SOX5: variants seen among roughly 807,000 people sequenced by gnomAD.
The protein encoded by SOX5 is SRY-box transcription factor 5, also known as transcription factor SOX-5.
SOX5 carries 9 observed loss-of-function variants against 92.0 expected under a neutral mutation model. The observed-to-expected ratio is 0.10, with a 90% confidence interval of 0.06 to 0.17. The LOEUF is 0.17. Among genes scored for constraint, SOX5 ranks in the 10% least tolerant of loss-of-function variants. SOX5 has a pLI of 1.00. For missense variants in SOX5, 642 were observed against 944.5 expected, an observed-to-expected ratio of 0.68 and a Z score of 4.20; for synonymous variants, 344 against 336.3, an observed-to-expected ratio of 1.02 and a Z score of -0.25.
chr12:24,196,569 C>A (rs76377032), intron 4 of SOX5, among the ~76,000 whole-genome samples: 1 of 152,136 alleles, frequency 6.6e-6, no homozygotes, highest in African/African-American at 2.4e-5. Context: ...CAGTCTTTAA[C>A]CAATCCATCT....
At chr12:24,212,815 G>A (rs999623596) in intron 4 of SOX5, among the ~76,000 whole-genome samples, 6 of 152,098 alleles carry the variant, frequency 3.9e-5, no homozygotes, top group Admixed American at 6.5e-5. Context: ...TTTCATACAT[G>A]GTAGTCAATA....
At chr12:23,747,146 G>A (rs997796851) in intron 4 of SOX5, among the ~76,000 whole-genome samples, 11 of 151,952 alleles carry the variant, frequency 7.2e-5, no homozygotes, top group African/African-American at 2.4e-4. Context: ...AAATCCAGGT[G>A]TTCATTTTTT....
At chr12:23,708,568 C>T (rs2091705344) in intron 6 of SOX5, among the ~76,000 whole-genome samples, 1 of 152,062 alleles carries the variant, frequency 6.6e-6, no homozygotes, top group African/African-American at 2.4e-5. Flanking sequence ...TCTTTCAGAA[C>T]ATTGATCTGA....
chr12:24,351,199 A>G (rs1210120547), intron 2 of SOX5, among the ~76,000 whole-genome samples: 1 of 152,138 alleles, frequency 6.6e-6, no homozygotes, highest in African/African-American at 2.4e-5. Flanking sequence ...CCATCTATCT[A>G]CTGTCTTGTA....
chr12:24,434,045 C>T (rs1357772216), intron 1 of SOX5, among the ~76,000 whole-genome samples: 2 of 152,080 alleles, frequency 1.3e-5, no homozygotes, highest in South Asian at 2.1e-4. Context: ...AACAGTCTCT[C>T]GGAATCAAGA....
chr12:23,695,940 C>CAAAAAAAA lies in SOX5; in HGVS notation c.811-30384_811-30377dup, dbSNP rs71059917. On this transcript the variant is annotated intron_variant, in intron 6 of 14. Coordinates refer to ENST00000451604, the MANE Select transcript of SOX5 (RefSeq NM_006940.6). ...TGGGTGACAGAGCGAGACTCTGTCT[C>CAAAAAAAA]AAAAAAAAAAAAAAAAAAAAAAAAA... Among the ~76,000 whole-genome samples, 118 of 11,912 alleles carry CAAAAAAAA rather than the reference C, an allele frequency of 9.9e-3. 13 individuals are homozygous for CAAAAAAAA. Among genetic ancestry groups the CAAAAAAAA allele is most frequent in the African/African-American group, 0.015 (56 of 3,678 alleles). 7.8% of individuals were successfully genotyped at this position (11,912 alleles called of 152,430 possible).
At chr12:24,255,825 T>C (rs1941071408) in intron 3 of SOX5, among the ~76,000 whole-genome samples, 1 of 152,224 alleles carries the variant, frequency 6.6e-6, no homozygotes. Flanking sequence ...ATAAGTTCCA[T>C]ACTTCAATTT....
At chr12:23,885,165 G>T (rs1221113092) in intron 2 of SOX5, among the ~76,000 whole-genome samples, 1 of 152,174 alleles carries the variant, frequency 6.6e-6, no homozygotes, top group Admixed American at 6.5e-5. Flanking sequence ...GTGTGTTTAT[G>T]CAGAGGGAAA....
At position 24,114,258 on chromosome 12, in the gene SOX5, T is replaced by A. The variant is rs564091183; in HGVS notation, c.-2+99085A>T. On this transcript the variant is annotated intron_variant, in intron 4 of 4. Transcript: ENST00000446891. ...CAGAATGCAGGGAAGAAAATTTTTT[T>A]AAAAAAATCTTAAATTAAAATATTC... Among the ~76,000 whole-genome samples the A allele has an allele frequency of 2.5e-3, 380 of 152,096 alleles. 1 individual carries two copies. The highest frequency in any genetic ancestry group is 4.2e-3 in the Non-Finnish European group (288 of 67,968).
At chr12:23,595,207 C>A (rs1952174812) in intron 9 of SOX5, among the ~76,000 whole-genome samples, 1 of 152,000 alleles carries the variant, frequency 6.6e-6, no homozygotes, top group Non-Finnish European at 1.5e-5. Context: ...CTATAGAACA[C>A]TAAAAAGGGA....
chr12:23,809,827 C>T (rs934216972), intron 3 of SOX5, among the ~76,000 whole-genome samples: 1 of 142,694 alleles, frequency 7.0e-6, no homozygotes, highest in Non-Finnish European at 1.5e-5. Context: ...CAATTGATAA[C>T]AGACTGAATT....
At chr12:23,848,163 C>A (rs541566831) in intron 2 of SOX5, among the ~76,000 whole-genome samples, 2 of 152,132 alleles carry the variant, frequency 1.3e-5, no homozygotes, top group African/African-American at 4.8e-5. Context: ...TGTCTGTACT[C>A]TGCTTTCACA....
intron 2 of SOX5, among the ~76,000 whole-genome samples, chr12:24,338,590 G>C (rs146820610): frequency 4.6e-5 from 7 of 152,168 alleles, no homozygotes; most frequent in African/African-American, 1.7e-4. Flanking sequence ...TATTCAGGTT[G>C]TGATATGGTT....
chr12:23,836,211 T>C (rs2096412017), intron 3 of SOX5, among the ~76,000 whole-genome samples: 1 of 151,936 alleles, frequency 6.6e-6, no homozygotes, highest in South Asian at 2.1e-4. Context: ...TTAGGTTTAA[T>C]TGCTGAAGAC....
At chr12:23,920,243 GTTTT>G (rs1937759380) in intron 1 of SOX5, 1 of 152,188 alleles carries the variant, frequency 6.6e-6, no homozygotes, top group African/African-American at 2.4e-5. Flanking sequence ...AGAAAAGAAT[GTTTT>G]TAATAATAGT....
At chr12:24,097,391 A>G (rs1015412966) in intron 4 of SOX5, among the ~76,000 whole-genome samples, 1 of 152,014 alleles carries the variant, frequency 6.6e-6, no homozygotes, top group Non-Finnish European at 1.5e-5. Flanking sequence ...CAGTTTATCT[A>G]TTGTTTTGAT....
intron 4 of SOX5, among the ~76,000 whole-genome samples, chr12:24,043,909 A>G (rs999992697): frequency 1.3e-5 from 2 of 152,222 alleles, no homozygotes; most frequent in African/African-American, 4.8e-5. Context: ...ATCACGTATC[A>G]TAATTTTCAA....
chr12:24,162,652 T>C lies in SOX5; in HGVS notation c.-2+50691A>G, dbSNP rs1593779941. On this transcript the variant is annotated intron_variant, in intron 4 of 4. Coordinates refer to the SOX5 transcript ENST00000446891. Reference sequence around the variant, plus strand: ...CCACGATCGTGTGAATATTATCCTTTATCCTCTGGGAAAACAAACTATGGC... The same window carrying C: ...CCACGATCGTGTGAATATTATCCTTCATCCTCTGGGAAAACAAACTATGGC... 5.3e-5 allele frequency among the ~76,000 whole-genome samples: 8 copies of C among 152,294 alleles called. 1 individual carries two copies. Among genetic ancestry groups the C allele is most frequent in the Non-Finnish European group, 1.5e-5 (1 of 68,000 alleles).
intron 1 of SOX5, among the ~76,000 whole-genome samples, chr12:24,535,068 G>A (rs1457414553): frequency 6.6e-5 from 10 of 152,098 alleles, no homozygotes; most frequent in Admixed American, 5.9e-4. Flanking sequence ...GCCCAAACTG[G>A]AAGCCACCAT....
Sources: allele counts gnomAD v4.1 joint callset (sites outside exome capture counted in the v4.1 genomes callset), GRCh38; gene constraint gnomAD v4.1.1; transcripts MANE v1.5; gene names NCBI Gene and HGNC (gene_info 2026-07-23, HGNC 2026-07-21).